Variants in CTNND2 observed in about 807,000 individuals in gnomAD.
The protein encoded by CTNND2 is catenin delta-2.
In CTNND2, 22 loss-of-function variants were observed where a neutral mutation model predicts 144.4. The observed-to-expected ratio is 0.15, with a 90% CI of 0.11 to 0.22. CTNND2 has a LOEUF of 0.22. Among genes scored for constraint, CTNND2 ranks in the 10% least tolerant of loss-of-function variants. The probability of loss-of-function intolerance (pLI) is 1.00; values close to 1 mark genes in which losing one functional copy is unlikely to be tolerated. For missense variants in CTNND2, 1,353 were observed against 1,618.8 expected, an observed-to-expected ratio of 0.84 and a Z score of 2.82; for synonymous variants, 751 against 695.6, an observed-to-expected ratio of 1.08 and a Z score of -1.25.
At chr5:11,144,552 GT>G (rs1373428450) in intron 12 of CTNND2, among the ~76,000 whole-genome samples, 51 of 152,170 alleles carry the variant, frequency 3.4e-4, no homozygotes, top group Admixed American at 3.1e-3. Flanking sequence ...CAGGGTAAGG[GT>G]TACTGTGACC....
intron 15 of CTNND2, chr5:11,083,895 G>A: frequency 8.8e-7 from 1 of 1,138,590 alleles, no homozygotes; most frequent in Non-Finnish European, 1.1e-6. Context: ...GGCAGGCAGG[G>A]AGCCCCCTCT....
At chr5:11,452,216 A>G (rs942111155) in intron 3 of CTNND2, among the ~76,000 whole-genome samples, 1 of 152,218 alleles carries the variant, frequency 6.6e-6, no homozygotes, top group Non-Finnish European at 1.5e-5. Flanking sequence ...ATGCAATTCA[A>G]TATTTGCTTT....
At chr5:11,360,829 T>C (rs1348608610) in intron 8 of CTNND2, among the ~76,000 whole-genome samples, 1 of 152,234 alleles carries the variant, frequency 6.6e-6, no homozygotes, top group African/African-American at 2.4e-5. Flanking sequence ...ATTTTAAGCC[T>C]CTTTGAATCC....
rs1207661247 is a variant in CTNND2 at position 11,384,673 on chromosome 5, C to T, written c.1169G>A (p.Ser390Asn). ...YATATLQRPG[S>N]LAAGSRASYS... ...TGGCAGCGAGCCTTTACCTGCCAGG[C>T]TGCCCGGCCTCTGGAGGGTGGCCGT... Residue 390 changes from serine to asparagine, a missense_variant, in exon 7 of 22, where the codon AGC becomes AAC. Ser to Asn is a conservative substitution (Grantham distance 46). Coordinates refer to ENST00000304623, the MANE Select transcript of CTNND2 (RefSeq NM_001332.4). The surrounding 1 kb of genome is among the most constrained non-coding windows in gnomAD (Gnocchi z 5.2). The T allele has an allele frequency of 6.2e-6, 10 of 1,601,588 alleles. No homozygotes were observed. The highest frequency in any genetic ancestry group is 1.1e-5 in the South Asian group (1 of 90,164).
At chr5:11,690,792 C>T (rs906429005) in intron 2 of CTNND2, among the ~76,000 whole-genome samples, 7 of 123,126 alleles carry the variant, frequency 5.7e-5, no homozygotes, top group African/African-American at 1.4e-4. Flanking sequence ...ATGCTTTCAG[C>T]AATATACTCT....
chr5:11,082,329 A>T (rs998565040), intron 16 of CTNND2, among the ~76,000 whole-genome samples: 1 of 152,232 alleles, frequency 6.6e-6, no homozygotes, highest in Non-Finnish European at 1.5e-5. Flanking sequence ...ATCCAAAATA[A>T]ATTTAAAATA....
At chr5:11,331,428 T>C (rs1368433881) in intron 9 of CTNND2, among the ~76,000 whole-genome samples, 2 of 152,232 alleles carry the variant, frequency 1.3e-5, no homozygotes, top group Non-Finnish European at 2.9e-5. Context: ...GTTGTTAAAA[T>C]ATTAATAGAA....
chr5:11,497,772 T>C (rs1379074086), intron 3 of CTNND2, among the ~76,000 whole-genome samples: 3 of 152,104 alleles, frequency 2.0e-5, no homozygotes, highest in Non-Finnish European at 1.5e-5. Context: ...TTATATGATG[T>C]AGGGAAATGG....
intron 1 of CTNND2, among the ~76,000 whole-genome samples, chr5:11,813,381 T>C (rs1487921746): frequency 3.3e-5 from 5 of 152,212 alleles, no homozygotes; most frequent in African/African-American, 7.2e-5. Context: ...TGAAATAGTA[T>C]AGTTGTGCCT....
chr5:11,299,673 C>T (rs1170036484), intron 9 of CTNND2, among the ~76,000 whole-genome samples: 5 of 152,172 alleles, frequency 3.3e-5, no homozygotes, highest in Admixed American at 2.6e-4. Flanking sequence ...TCCTCCCCTC[C>T]GTGAAACTTT....
At chr5:11,167,054 G>A (rs1371922746) in intron 11 of CTNND2, among the ~76,000 whole-genome samples, 2 of 152,182 alleles carry the variant, frequency 1.3e-5, no homozygotes, top group South Asian at 4.2e-4. Flanking sequence ...TAATATTCCA[G>A]AAGAGGAACC....
intron 2 of CTNND2, among the ~76,000 whole-genome samples, chr5:11,584,973 G>A (rs1048164276): frequency 6.6e-6 from 1 of 152,106 alleles, no homozygotes; most frequent in Admixed American, 6.6e-5. Flanking sequence ...CATGTGTTCT[G>A]TGTTGAAAAC....
At chr5:11,691,240 G>A (rs988050200) in intron 2 of CTNND2, among the ~76,000 whole-genome samples, 1 of 151,924 alleles carries the variant, frequency 6.6e-6, no homozygotes, top group Admixed American at 6.6e-5. Context: ...GCGTGGTGGT[G>A]GGTGCCTGTA....
chr5:11,550,416 G>A (rs182579953), intron 3 of CTNND2, among the ~76,000 whole-genome samples: 8 of 152,328 alleles, frequency 5.3e-5, no homozygotes, highest in Admixed American at 3.3e-4. Context: ...AAATGACGAG[G>A]ACTTCCCAAC....
At chr5:11,321,450 T>C (rs147670524) in intron 9 of CTNND2, among the ~76,000 whole-genome samples, 140 of 152,276 alleles carry the variant, frequency 9.2e-4, no homozygotes, top group Middle Eastern at 3.4e-3. Context: ...CAGGGACAAA[T>C]AGCTGTGACT....
chr5:11,488,661 A>T (rs1445090869), intron 3 of CTNND2, among the ~76,000 whole-genome samples: 1 of 152,162 alleles, frequency 6.6e-6, no homozygotes, highest in East Asian at 1.9e-4. Flanking sequence ...ATCAAAAGAG[A>T]GAAGAGTTCA....
Position 11,017,607 on chromosome 5 carries a change from TATA to T in CTNND2, c.3084+364_3084+366del, listed in dbSNP as rs1478283816. 6.9e-5 allele frequency among the ~76,000 whole-genome samples: 7 copies of T among 101,628 alleles called. No homozygotes were observed. In the East Asian group the frequency reaches 2.5e-3, roughly 37 times the overall value. The allele number at this position is 101,628 out of a possible 152,430, so 66.7% of individuals were successfully genotyped here. ...CCATATATATATATATCTTTCCATA[TATA>T]TATATATATATTTCCAAAATTACTT... On this transcript the variant is annotated intron_variant, in intron 18 of 21. Transcript: ENST00000304623.
intron 2 of CTNND2, among the ~76,000 whole-genome samples, chr5:11,686,805 AAT>A (rs1178548067): frequency 6.7e-6 from 1 of 148,390 alleles, no homozygotes; most frequent in South Asian, 2.1e-4. Flanking sequence ...ACATAATATA[AAT>A]ATATATTTAT....
chr5:11,166,791 C>T (rs186091268), intron 11 of CTNND2, among the ~76,000 whole-genome samples: 68 of 152,240 alleles, frequency 4.5e-4, no homozygotes, highest in Non-Finnish European at 8.1e-4. Flanking sequence ...TATAAACTCT[C>T]AATATGGCCC....
Sources: allele counts gnomAD v4.1 joint callset (sites outside exome capture counted in the v4.1 genomes callset), GRCh38; gene constraint gnomAD v4.1.1; non-coding constraint Gnocchi (gnomAD v3.1); transcripts MANE v1.5; gene names NCBI Gene and HGNC (gene_info 2026-07-23, HGNC 2026-07-21).